The following IPO11 variants were observed in gnomAD, a reference collection of about 807,000 sequenced individuals.
IPO11 encodes importin-11.
Under a neutral mutation model 143.2 loss-of-function variants are expected in IPO11, and 66 were observed. That is an observed-to-expected ratio of 0.46 (90% CI 0.38 to 0.57). The LOEUF (loss-of-function observed/expected upper bound fraction) is 0.57, where lower values mean the gene tolerates loss of function less well. IPO11 is among the 20% of genes least tolerant of loss of function. The pLI is 0.00. For synonymous variants in IPO11, 385 were observed against 377.8 expected (o/e 1.02, Z -0.22); for missense variants, 1,026 against 1,141.0 (o/e 0.90, Z 1.45).
chr5:62,539,976 A>T (rs1458037745), intron 24 of IPO11, among the ~76,000 whole-genome samples: 1 of 152,182 alleles, frequency 6.6e-6, no homozygotes, highest in African/African-American at 2.4e-5. Flanking sequence ...GAAAATTGCC[A>T]TGTCATTTTG....
chr5:62,446,574 A>G (rs1461823937), intron 3 of IPO11, among the ~76,000 whole-genome samples: 1 of 152,130 alleles, frequency 6.6e-6, no homozygotes, highest in Non-Finnish European at 1.5e-5. Flanking sequence ...TCTATTGTGA[A>G]GGGTCTGTTA....
chr5:62,469,740 C>CA (rs1745701427), intron 6 of IPO11, among the ~76,000 whole-genome samples: 7 of 152,152 alleles, frequency 4.6e-5, no homozygotes, highest in African/African-American at 7.2e-5. Context: ...TCCTGCTTAT[C>CA]TCTCTGTGTA....
At position 62,452,602 on chromosome 5, in the gene IPO11, G is replaced by A. The variant is rs375643039; in HGVS notation, c.516+669G>A. ...GGGCAGATATAGGAAGGAGTTTGACGTAAGTAGGGAGTGACAGCCTTTTAT... is the reference window on the plus strand; with the variant it reads ...GGGCAGATATAGGAAGGAGTTTGACATAAGTAGGGAGTGACAGCCTTTTAT... On this transcript the variant is annotated intron_variant, in intron 5 of 29. Coordinates refer to ENST00000325324, the MANE Select transcript of IPO11 (RefSeq NM_016338.5). Among the ~76,000 whole-genome samples, 5 of 150,762 alleles carry A rather than the reference G, an allele frequency of 3.3e-5. No individual in the cohort carries two copies. In the East Asian group the frequency reaches 7.7e-4, roughly 23 times the overall value.
In IPO11 at chr5:62,437,393, G is replaced by A; in HGVS notation, c.114G>A (p.Gln38=). The A allele has an allele frequency of 1.2e-6, 2 of 1,610,516 alleles. No homozygotes were observed. The highest frequency in any genetic ancestry group is 1.7e-6 in the Non-Finnish European group (2 of 1,178,214). ...AEEQLKQWET[Q]PGFYSVLLNI... ...AGCAGTTGAAGCAGTGGGAGACACA[G>A]CCAGGTTTCTATTCAGTGTTGCTGG... The change falls in exon 2 of 30, where the codon CAG becomes CAA. Residue 38 remains glutamine (Q), a synonymous_variant. Coordinates refer to ENST00000325324, the MANE Select transcript of IPO11 (RefSeq NM_016338.5).
chr5:62,495,716 C>T lies in IPO11; in HGVS notation c.1590+1592C>T, dbSNP rs868736267. Among the ~76,000 whole-genome samples, 3 of 152,120 alleles carry T rather than the reference C, an allele frequency of 2.0e-5. No homozygotes were observed. In the South Asian group the frequency reaches 6.2e-4, roughly 31 times the overall value. On this transcript the variant is annotated intron_variant, in intron 16 of 29. Transcript: ENST00000325324. The stretch of plus-strand genomic sequence containing the variant: ...GAACACCTGGACTCAAACGATTCAC[C>T]CACCTCAGCCTCCCAAAGTGTTGGG...
chr5:62,418,218 T>C (rs1486594774), intron 1 of IPO11, among the ~76,000 whole-genome samples: 10 of 151,394 alleles, frequency 6.6e-5, no homozygotes, highest in African/African-American at 2.4e-4. Flanking sequence ...CAAGCTGGAG[T>C]GCAGTGGCAC....
chr5:62,499,619 A>G (rs956954030), intron 16 of IPO11, among the ~76,000 whole-genome samples: 5 of 118,140 alleles, frequency 4.2e-5, no homozygotes, highest in African/African-American at 1.6e-4. Flanking sequence ...TTTGTCGCCC[A>G]GGCTGGAGTG....
intron 24 of IPO11, among the ~76,000 whole-genome samples, chr5:62,540,880 A>G (rs796215642): frequency 1.2e-4 from 18 of 152,332 alleles, no homozygotes; most frequent in African/African-American, 3.8e-4. Flanking sequence ...ATAGGCTACT[A>G]TAATTTTAGG....
intron 19 of IPO11, among the ~76,000 whole-genome samples, chr5:62,507,001 C>G (rs1040496398): frequency 3.3e-5 from 5 of 152,200 alleles, no homozygotes; most frequent in Admixed American, 3.3e-4. Context: ...ACCCTTGGAT[C>G]TGCTGTTAGT....
At chr5:62,424,721 C>T (rs1037054126) in intron 1 of IPO11, among the ~76,000 whole-genome samples, 5 of 151,850 alleles carry the variant, frequency 3.3e-5, no homozygotes, top group South Asian at 2.1e-4. Context: ...GGATTACAGA[C>T]GTGAGCCACC....
chr5:62,417,266 T>C (rs1447262733), intron 1 of IPO11, among the ~76,000 whole-genome samples: 3 of 151,546 alleles, frequency 2.0e-5, no homozygotes, highest in African/African-American at 7.3e-5. Context: ...CTTATTTCCT[T>C]TAAGTTTCTT....
chr5:62,489,259 T>C, intron 13 of IPO11, 43 bp from the exon 14 acceptor site: 1 of 1,187,714 alleles, frequency 8.4e-7, no homozygotes, highest in Non-Finnish European at 1.2e-6. Context: ...AAAACTAGTT[T>C]TATTTGCTTT....
intron 16 of IPO11, among the ~76,000 whole-genome samples, chr5:62,498,901 C>G (rs1430098697): frequency 6.6e-6 from 1 of 152,140 alleles, no homozygotes; most frequent in Non-Finnish European, 1.5e-5. Flanking sequence ...GAAAGTTTTA[C>G]TTAGATTATT....
chr5:62,440,917 C>A (rs184952190), intron 2 of IPO11, among the ~76,000 whole-genome samples: 1 of 151,470 alleles, frequency 6.6e-6, no homozygotes, highest in Non-Finnish European at 1.5e-5. Context: ...GAGCCAAGAT[C>A]GCGCCACTGC....
chr5:62,428,458 C>T (rs1743842273), intron 1 of IPO11, among the ~76,000 whole-genome samples: 1 of 152,110 alleles, frequency 6.6e-6, no homozygotes, highest in African/African-American at 2.4e-5. Flanking sequence ...ATTCTCCTGT[C>T]TCAGCATCCT....
chr5:62,440,845 C>A (rs758531944), intron 2 of IPO11, among the ~76,000 whole-genome samples: 1 of 151,824 alleles, frequency 6.6e-6, no homozygotes. Flanking sequence ...TGCCTGTAAT[C>A]CCAGCTATTC....
intron 20 of IPO11, among the ~76,000 whole-genome samples, chr5:62,525,238 T>C (rs1742328187): frequency 6.6e-6 from 1 of 152,228 alleles, no homozygotes; most frequent in Non-Finnish European, 1.5e-5. Flanking sequence ...GTATATCATA[T>C]ACAGATATCT....
At chr5:62,564,225 C>T (rs1370526984) in intron 27 of IPO11, among the ~76,000 whole-genome samples, 1 of 151,802 alleles carries the variant, frequency 6.6e-6, no homozygotes, top group Non-Finnish European at 1.5e-5. Flanking sequence ...AAATTTGGCA[C>T]ATAGTAATTG....
chr5:62,578,091 C>A (rs1744388480), intron 27 of IPO11, among the ~76,000 whole-genome samples: 1 of 152,012 alleles, frequency 6.6e-6, no homozygotes. Flanking sequence ...GAAACATCGC[C>A]TCTTTTACTC....
Sources: allele counts gnomAD v4.1 joint callset (sites outside exome capture counted in the v4.1 genomes callset), GRCh38; gene constraint gnomAD v4.1.1; transcripts MANE v1.5; gene names NCBI Gene and HGNC (gene_info 2026-07-23, HGNC 2026-07-21).